ADGRD1: variants seen among roughly 807,000 people sequenced by gnomAD.
ADGRD1 encodes the protein adhesion G protein-coupled receptor D1.
In ADGRD1, 77 loss-of-function variants were observed where a neutral mutation model predicts 113.4. That is an observed-to-expected ratio of 0.68 (90% CI 0.57 to 0.82). ADGRD1 has a LOEUF of 0.82. ADGRD1 is among the 40% of genes least tolerant of loss of function. The pLI, the probability that ADGRD1 is intolerant of heterozygous loss-of-function variation, is 0.00. For synonymous variants in ADGRD1, 474 were observed against 475.0 expected (o/e 1.00, Z 0.03); for missense variants, 1,036 against 1,139.1 (o/e 0.91, Z 1.30).
intron 12 of ADGRD1, among the ~76,000 whole-genome samples, chr12:131,011,289 G>A (rs773498251): frequency 3.3e-5 from 5 of 151,276 alleles, no homozygotes; most frequent in Admixed American, 6.6e-5. Context: ...ATCTGGCGTC[G>A]CACTGATTAC....
chr12:131,004,427 C>CCCGGGCCGCCTGCGGTGCTCCT, intron 11 of ADGRD1, 131 bp downstream of exon 11: 2 of 674,792 alleles, frequency 3.0e-6, no homozygotes, highest in East Asian at 5.4e-5. Context: ...GCGGTGCTCC[C>CCCGGGCCGCCTGCGGTGCTCCT]CCGGACTGCC....
intron 15 of ADGRD1, among the ~76,000 whole-genome samples, chr12:131,100,624 T>C (rs1210287687): frequency 1.3e-5 from 2 of 152,202 alleles, no homozygotes; most frequent in Non-Finnish European, 2.9e-5. Flanking sequence ...GCATGGTTGG[T>C]TGGCGATAAG....
At chr12:130,996,926 C>A (rs1475916174) in intron 8 of ADGRD1, among the ~76,000 whole-genome samples, 1 of 129,308 alleles carries the variant, frequency 7.7e-6, no homozygotes, top group Non-Finnish European at 1.7e-5. Flanking sequence ...AGGAGCCCCT[C>A]ACCTCCCGGA....
intron 19 of ADGRD1, chr12:131,120,570 G>T: frequency 1.9e-6 from 1 of 540,460 alleles, no homozygotes. Flanking sequence ...CCCCAGCAAA[G>T]GTCTATTTCC....
intron 24 of ADGRD1, 90 bp from the exon 25 acceptor site, chr12:131,139,078 C>T: frequency 3.2e-6 from 3 of 941,232 alleles, no homozygotes; most frequent in Admixed American, 4.1e-5. Flanking sequence ...CCTCGGGCAG[C>T]TATGGGCCCA....
At position 131,041,720 on chromosome 12, in the gene ADGRD1, G is replaced by A. The variant is rs1040506656; in HGVS notation, c.1473+27380G>A. On this transcript the variant is annotated intron_variant, in intron 13 of 24. Transcript: ENST00000261654. The surrounding 1 kb of genome is among the most constrained non-coding windows in gnomAD (Gnocchi z 4.4). The stretch of plus-strand genomic sequence containing the variant: ...ATGCATGAATCAGGGAGCAGTTCCC[G>A]GGGAACACACTGCACGCTGTTGCCG... Among the ~76,000 whole-genome samples the A allele has an allele frequency of 5.9e-5, 9 of 152,164 alleles. No individual in the cohort carries two copies. The highest frequency in any genetic ancestry group is 1.9e-4 in the East Asian group (1 of 5,184).
At chr12:131,102,287 C>T (rs181274024) in intron 15 of ADGRD1, among the ~76,000 whole-genome samples, 51 of 152,320 alleles carry the variant, frequency 3.3e-4, no homozygotes, top group African/African-American at 1.1e-3. Context: ...CTTGGCCCGT[C>T]GGTCTGCAGG....
chr12:131,000,987 A>G (rs1003016061), intron 9 of ADGRD1, among the ~76,000 whole-genome samples: 5 of 152,208 alleles, frequency 3.3e-5, no homozygotes, highest in African/African-American at 1.2e-4. Context: ...TGTGTCAGTA[A>G]TGTGTTACTG....
At chr12:131,013,385 A>G (rs1593039415) in intron 12 of ADGRD1, among the ~76,000 whole-genome samples, 1 of 152,048 alleles carries the variant, frequency 6.6e-6, no homozygotes, top group Non-Finnish European at 1.5e-5. Flanking sequence ...CTCCCTCCTC[A>G]TGAATGCAAG....
intron 13 of ADGRD1, among the ~76,000 whole-genome samples, chr12:131,040,028 C>T (rs748897862): frequency 2.0e-5 from 3 of 152,186 alleles, no homozygotes; most frequent in Admixed American, 6.5e-5. Context: ...GCTCTGTTTC[C>T]AGAGCCCCAC....
chr12:130,961,414 T>C (rs1870345992), intron 2 of ADGRD1, among the ~76,000 whole-genome samples: 1 of 152,100 alleles, frequency 6.6e-6, no homozygotes, highest in South Asian at 2.1e-4. Flanking sequence ...TCTCTCTCTC[T>C]CTCGTTCTTT....
At chr12:130,957,808 G>C (rs992966141) in intron 2 of ADGRD1, 1 of 152,290 alleles carries the variant, frequency 6.6e-6, no homozygotes, top group Admixed American at 6.5e-5. Flanking sequence ...GAAAAGCACA[G>C]TGAAGGCGGC....
Position 131,014,302 on chromosome 12 carries a change from G to A in ADGRD1, c.1435G>A (p.Gly479Ser). ...PPPTLSQNLS[G>S]SPLITVHLKH... is the part of the protein sequence containing the mutation. ...ACCCACCCTGTCTCAGAACCTGTCG[G>A]GCTCTCCACTCATTACGGTCCACCT... Residue 479 changes from glycine to serine, a missense_variant, in exon 13 of 25, where the codon GGC becomes AGC. Coordinates refer to ENST00000261654, the MANE Select transcript of ADGRD1 (RefSeq NM_198827.5). 1 of 1,614,072 alleles carries A rather than the reference G, an allele frequency of 6.2e-7. No homozygotes were observed. The highest frequency in any genetic ancestry group is 1.3e-5 in the African/African-American group (1 of 75,030).
intron 15 of ADGRD1, among the ~76,000 whole-genome samples, chr12:131,103,677 C>G (rs558445356): frequency 6.6e-6 from 1 of 152,360 alleles, no homozygotes; most frequent in South Asian, 2.1e-4. Flanking sequence ...GTTCCTTTGT[C>G]CTGGTGATCG....
intron 13 of ADGRD1, among the ~76,000 whole-genome samples, chr12:131,034,198 C>T (rs1214194459): frequency 1.3e-5 from 2 of 152,342 alleles, no homozygotes; most frequent in South Asian, 2.1e-4. Context: ...CCCACCCTGC[C>T]GCACTCTGGG....
chr12:130,974,595 C>A (rs532946996), intron 4 of ADGRD1, among the ~76,000 whole-genome samples: 1 of 152,174 alleles, frequency 6.6e-6, no homozygotes, highest in Admixed American at 6.5e-5. Flanking sequence ...ATTCTTATAA[C>A]GAAAAACAAC....
Position 131,129,577 on chromosome 12 carries a change from C to T in ADGRD1, c.2176-2148C>T, listed in dbSNP as rs539993985. ...CCAATCTTGTTACAGATGAGGCCCC[C>T]GCCTGTGTCAGTGGGTGAGGTACCC... On this transcript the variant is annotated intron_variant, in intron 20 of 24. Transcript: ENST00000261654. Among the ~76,000 whole-genome samples the T allele has an allele frequency of 1.5e-4, 23 of 152,240 alleles. No homozygotes were observed. In the South Asian group the frequency reaches 3.5e-3, roughly 23 times the overall value.
chr12:131,078,414 T>C (rs1885819549), intron 14 of ADGRD1, among the ~76,000 whole-genome samples: 1 of 152,220 alleles, frequency 6.6e-6, no homozygotes, highest in African/African-American at 2.4e-5. Context: ...GTAATTTCAG[T>C]GATTTTGCCC....
intron 5 of ADGRD1, among the ~76,000 whole-genome samples, chr12:130,982,656 G>A (rs537185923): frequency 2.5e-4 from 38 of 152,310 alleles, no homozygotes; most frequent in Admixed American, 1.8e-3. Context: ...AGGGGAGAGC[G>A]CATGAAGCAC....
Sources: allele counts gnomAD v4.1 joint callset (sites outside exome capture counted in the v4.1 genomes callset), GRCh38; gene constraint gnomAD v4.1.1; non-coding constraint Gnocchi (gnomAD v3.1); transcripts MANE v1.5; gene names NCBI Gene and HGNC (gene_info 2026-07-23, HGNC 2026-07-21).